DLG2: variants seen among roughly 807,000 people sequenced by gnomAD.
DLG2 encodes disks large homolog 2.
DLG2 carries 45 observed loss-of-function variants against 132.5 expected under a neutral mutation model. That is an observed-to-expected ratio of 0.34 (90% CI 0.27 to 0.44). The LOEUF (loss-of-function observed/expected upper bound fraction) is 0.44, where lower values mean the gene tolerates loss of function less well. Ranked by LOEUF, DLG2 falls within the 20% of genes least tolerant of loss-of-function variation. The pLI, the probability that DLG2 is intolerant of heterozygous loss-of-function variation, is 1.00. For missense variants in DLG2, 1,045 were observed against 1,196.9 expected, an observed-to-expected ratio of 0.87 and a Z score of 1.87; for synonymous variants, 424 against 419.6, an observed-to-expected ratio of 1.01 and a Z score of -0.13.
intron 7 of DLG2, among the ~76,000 whole-genome samples, chr11:84,435,019 A>G (rs1337797700): frequency 6.6e-6 from 1 of 152,032 alleles, no homozygotes; most frequent in Non-Finnish European, 1.5e-5. Context: ...ATGCTAAAAT[A>G]TGATCTTTCA....
intron 3 of DLG2, among the ~76,000 whole-genome samples, chr11:85,416,433 T>G (rs1447521147): frequency 6.6e-6 from 1 of 152,210 alleles, no homozygotes; most frequent in African/African-American, 2.4e-5. Flanking sequence ...AGACTGTTTT[T>G]TGGTTCCATA....
chr11:84,730,236 T>A (rs890648129), intron 6 of DLG2, among the ~76,000 whole-genome samples: 4 of 152,020 alleles, frequency 2.6e-5, no homozygotes, highest in African/African-American at 9.7e-5. Flanking sequence ...AGTTACTTAA[T>A]CTGAAAGTTA....
chr11:84,056,322 T>C (rs2096497951), intron 11 of DLG2, among the ~76,000 whole-genome samples: 1 of 152,112 alleles, frequency 6.6e-6, no homozygotes, highest in Non-Finnish European at 1.5e-5. Context: ...CATGTGGTGT[T>C]TGGTTTTCTG....
intron 22 of DLG2, among the ~76,000 whole-genome samples, chr11:83,478,797 T>C (rs372482570): frequency 6.6e-6 from 1 of 152,042 alleles, no homozygotes; most frequent in African/African-American, 2.4e-5. Flanking sequence ...AGGAAACTAG[T>C]GTCATTGGTC....
intron 6 of DLG2, among the ~76,000 whole-genome samples, chr11:84,829,729 T>C (rs1317403882): frequency 6.6e-6 from 1 of 151,656 alleles, no homozygotes; most frequent in African/African-American, 2.4e-5. Flanking sequence ...GTAGTGTACT[T>C]AGTACAGATA....
intron 14 of DLG2, among the ~76,000 whole-genome samples, chr11:83,940,529 C>T (rs1177071251): frequency 6.6e-6 from 1 of 152,176 alleles, no homozygotes; most frequent in Non-Finnish European, 1.5e-5. Flanking sequence ...ACATACCTGA[C>T]TTGTGAGTGG....
intron 18 of DLG2, among the ~76,000 whole-genome samples, chr11:83,745,257 C>T (rs1249266832): frequency 1.3e-5 from 2 of 152,144 alleles, no homozygotes; most frequent in Non-Finnish European, 2.9e-5. Flanking sequence ...CTTTATACAG[C>T]AAGAAGTGGC....
At chr11:85,083,522 C>CAAA (rs1433953553) in intron 6 of DLG2, among the ~76,000 whole-genome samples, 1 of 152,112 alleles carries the variant, frequency 6.6e-6, no homozygotes, top group African/African-American at 2.4e-5. Flanking sequence ...GGTCAGGCTC[C>CAAA]AGCTTGGTTT....
At chr11:84,202,792 A>G (rs1320338409) in intron 8 of DLG2, among the ~76,000 whole-genome samples, 1 of 152,186 alleles carries the variant, frequency 6.6e-6, no homozygotes, top group Non-Finnish European at 1.5e-5. Context: ...CAAATTAAAA[A>G]GTGGGCAAAG....
At chr11:85,382,237 T>C (rs2085951612) in intron 3 of DLG2, among the ~76,000 whole-genome samples, 2 of 152,118 alleles carry the variant, frequency 1.3e-5, no homozygotes, top group East Asian at 3.9e-4. Flanking sequence ...CAGCTGATTT[T>C]CAACAATGAT....
At chr11:85,577,275 G>A (rs1275616458) in intron 3 of DLG2, among the ~76,000 whole-genome samples, 1 of 152,058 alleles carries the variant, frequency 6.6e-6, no homozygotes, top group Non-Finnish European at 1.5e-5. Flanking sequence ...CCAGATAAGA[G>A]ACTATAGTTG....
chr11:83,594,446 G>A (rs905105943), intron 19 of DLG2, among the ~76,000 whole-genome samples: 2 of 152,166 alleles, frequency 1.3e-5, no homozygotes, highest in Non-Finnish European at 2.9e-5. Flanking sequence ...ATTTTATACA[G>A]CACTGTATAA....
chr11:84,177,947 C>T (rs149929992), intron 8 of DLG2, among the ~76,000 whole-genome samples: 34 of 151,922 alleles, frequency 2.2e-4, no homozygotes, highest in African/African-American at 8.0e-4. Flanking sequence ...CCAACAATAG[C>T]CATTTCTGGA....
At chr11:84,932,079 T>A (rs1317192501) in intron 6 of DLG2, among the ~76,000 whole-genome samples, 1 of 152,248 alleles carries the variant, frequency 6.6e-6, no homozygotes, top group East Asian at 1.9e-4. Flanking sequence ...GTCTGTTTAC[T>A]CTGTTGATGG....
Position 85,436,609 on chromosome 11 carries a change from A to G in DLG2, c.41-151244T>C, listed in dbSNP as rs111740953. ...ATGCAAATCCAAACCACAGTGAGAT[A>G]CTATCTCATCCCAGTCAGAATGGCA... is the stretch of plus-strand genomic sequence containing the variant. On this transcript the variant is annotated intron_variant, in intron 3 of 27. Coordinates refer to ENST00000376104, the MANE Select transcript of DLG2 (RefSeq NM_001142699.3). 6.2e-3 allele frequency among the ~76,000 whole-genome samples: 950 copies of G among 152,340 alleles called. 4 individuals are homozygous for G. Among genetic ancestry groups the G allele is most frequent in the Middle Eastern group, 0.017 (5 of 294 alleles).
intron 21 of DLG2, 141 bp from the exon 22 acceptor site, chr11:83,484,369 T>G (rs2137534775): frequency 1.6e-6 from 1 of 618,890 alleles, no homozygotes; most frequent in East Asian, 2.9e-5. Context: ...GCCAGAGAGT[T>G]CTAAAGGTCG....
chr11:85,617,737 C>T (rs918723589), intron 2 of DLG2, among the ~76,000 whole-genome samples: 2 of 152,104 alleles, frequency 1.3e-5, no homozygotes, highest in African/African-American at 4.8e-5. Flanking sequence ...TTAAATAGAA[C>T]AGAACTTAAT....
intron 7 of DLG2, among the ~76,000 whole-genome samples, chr11:84,385,751 G>T (rs1055631391): frequency 1.3e-5 from 2 of 152,060 alleles, no homozygotes; most frequent in African/African-American, 4.8e-5. Context: ...TATATACCTT[G>T]AGTCCAATGG....
At chr11:83,633,788 G>A (rs1005474078) in intron 18 of DLG2, among the ~76,000 whole-genome samples, 10 of 125,518 alleles carry the variant, frequency 8.0e-5, no homozygotes, top group African/African-American at 1.2e-4. Flanking sequence ...ACACAACTGC[G>A]GAAAATCTGA....
Sources: gnomAD v4.1 joint callset for allele counts (sites outside exome capture counted in the v4.1 genomes callset) on GRCh38, gnomAD v4.1.1 for gene constraint, MANE v1.5 for transcripts, NCBI Gene and HGNC (gene_info 2026-07-23, HGNC 2026-07-21) for gene names.